The following RBFOX1 variants were observed in gnomAD, a reference collection of about 807,000 sequenced individuals.
RBFOX1 encodes the protein RNA binding fox-1 homolog 1, also known as RNA binding protein fox-1 homolog 1.
In RBFOX1, 8 loss-of-function variants were observed where a neutral mutation model predicts 57.7. The observed-to-expected ratio is 0.14, with a 90% CI of 0.08 to 0.25. RBFOX1 has a LOEUF of 0.25. Ranked by LOEUF, RBFOX1 falls within the 10% of genes least tolerant of loss-of-function variation. RBFOX1 has a pLI of 1.00. For missense variants in RBFOX1, 611 were observed against 548.5 expected, an observed-to-expected ratio of 1.11 and a Z score of -1.14; for synonymous variants, 326 against 222.4, an observed-to-expected ratio of 1.47 and a Z score of -4.15.
intron 5 of RBFOX1, among the ~76,000 whole-genome samples, chr16:7,552,903 A>T (rs2087019131): frequency 6.6e-6 from 1 of 151,958 alleles, no homozygotes; most frequent in African/African-American, 2.4e-5. Flanking sequence ...GGCTGGTCTC[A>T]AACTGCCGAC....
At chr16:7,695,011 T>G (rs1203776281) in intron 14 of RBFOX1, among the ~76,000 whole-genome samples, 7 of 152,194 alleles carry the variant, frequency 4.6e-5, no homozygotes, top group Non-Finnish European at 1.0e-4. Context: ...AAGCAAGTGA[T>G]CCACACACAA....
At chr16:7,695,423 G>C (rs1014586671) in intron 14 of RBFOX1, among the ~76,000 whole-genome samples, 5 of 152,038 alleles carry the variant, frequency 3.3e-5, no homozygotes, top group African/African-American at 9.7e-5. Context: ...GGAGGCCAAG[G>C]TGGGTGGATC....
intron 4 of RBFOX1, among the ~76,000 whole-genome samples, chr16:5,915,642 G>C (rs1172326480): frequency 6.6e-6 from 1 of 152,084 alleles, no homozygotes; most frequent in East Asian, 1.9e-4. Flanking sequence ...GACCAGCCTG[G>C]CCAATATGGT....
intron 1 of RBFOX1, among the ~76,000 whole-genome samples, chr16:5,328,501 C>A (rs1482820147): frequency 6.6e-6 from 1 of 152,236 alleles, no homozygotes; most frequent in African/African-American, 2.4e-5. Flanking sequence ...GATGGAATGC[C>A]TTCAAGAATA....
At chr16:7,511,747 G>A (rs1187521257) in intron 4 of RBFOX1, among the ~76,000 whole-genome samples, 1 of 152,084 alleles carries the variant, frequency 6.6e-6, no homozygotes, top group Non-Finnish European at 1.5e-5. Flanking sequence ...TCCTGCTGTC[G>A]TTGAGTTGCT....
chr16:7,492,025 C>G (rs955677096), intron 4 of RBFOX1, among the ~76,000 whole-genome samples: 9 of 152,120 alleles, frequency 5.9e-5, no homozygotes, highest in African/African-American at 1.7e-4. Flanking sequence ...GTTCACATTT[C>G]CAGCATCAGA....
intron 3 of RBFOX1, among the ~76,000 whole-genome samples, chr16:6,672,803 T>C (rs967995404): frequency 1.3e-5 from 2 of 152,168 alleles, no homozygotes; most frequent in African/African-American, 4.8e-5. Flanking sequence ...AGATCGTTTC[T>C]CTTCCCAAGT....
intron 3 of RBFOX1, among the ~76,000 whole-genome samples, chr16:6,844,745 C>G (rs924422655): frequency 3.9e-5 from 6 of 152,096 alleles, no homozygotes; most frequent in Non-Finnish European, 5.9e-5. Flanking sequence ...GCATCTAGGT[C>G]TTTGAGGAAT....
intron 3 of RBFOX1, among the ~76,000 whole-genome samples, chr16:6,655,428 A>G (rs2098642845): frequency 7.7e-6 from 1 of 129,480 alleles, no homozygotes; most frequent in Non-Finnish European, 1.5e-5. Context: ...TTTCCATCAC[A>G]ACACATCAAC....
At chr16:7,025,394 T>A (rs1168210077) in intron 3 of RBFOX1, among the ~76,000 whole-genome samples, 1 of 152,046 alleles carries the variant, frequency 6.6e-6, no homozygotes, top group African/African-American at 2.4e-5. Context: ...ATCAGCAAGG[T>A]CCTTATGACC....
intron 4 of RBFOX1, among the ~76,000 whole-genome samples, chr16:5,944,120 G>T (rs571248685): frequency 2.1e-4 from 32 of 152,178 alleles, no homozygotes; most frequent in Non-Finnish European, 4.6e-4. Flanking sequence ...GGACACAGTA[G>T]TGAACAAGCC....
At chr16:6,263,645 G>A (rs2097715308) in intron 1 of RBFOX1, among the ~76,000 whole-genome samples, 1 of 152,126 alleles carries the variant, frequency 6.6e-6, no homozygotes, top group South Asian at 2.1e-4. Context: ...TAGAGCTTCT[G>A]CTAGTGTCTG....
chr16:7,541,663 G>T (rs200693233), intron 5 of RBFOX1, among the ~76,000 whole-genome samples: 9,721 of 152,140 alleles, frequency 0.064, 489 homozygotes, highest in East Asian at 0.22. Context: ...AAAATGTTTC[G>T]GGAAAGCTCA....
chr16:7,693,965 G>T (rs955497069), intron 14 of RBFOX1, among the ~76,000 whole-genome samples: 1 of 152,154 alleles, frequency 6.6e-6, no homozygotes, highest in Non-Finnish European at 1.5e-5. Context: ...TTGAAACCAG[G>T]ACATTGGCAA....
chr16:6,940,960 G>C (rs1480994224), intron 3 of RBFOX1, among the ~76,000 whole-genome samples: 3 of 151,682 alleles, frequency 2.0e-5, no homozygotes, highest in Non-Finnish European at 4.4e-5. Context: ...ATCCGTCTTG[G>C]CCTCTCAAAG....
At chr16:5,394,445 C>G (rs2066494289) in intron 1 of RBFOX1, among the ~76,000 whole-genome samples, 1 of 152,128 alleles carries the variant, frequency 6.6e-6, no homozygotes, top group Non-Finnish European at 1.5e-5. Flanking sequence ...ATCCATTTCT[C>G]ATTATATCAT....
At chr16:6,772,743 G>C (rs1425232712) in intron 3 of RBFOX1, among the ~76,000 whole-genome samples, 1 of 150,762 alleles carries the variant, frequency 6.6e-6, no homozygotes, top group Non-Finnish European at 1.5e-5. Flanking sequence ...TGTGGGTTTG[G>C]AGTGCATTTG....
rs1163470865 is a variant in RBFOX1 at position 5,657,731 on chromosome 16, TC to T, written c.318+58771del. Among the ~76,000 whole-genome samples the T allele has an allele frequency of 1.0e-3, 74 of 70,596 alleles. 3 individuals carry two copies. Among genetic ancestry groups the T allele is most frequent in the Non-Finnish European group, 2.2e-3 (62 of 27,578 alleles). The allele number at this position is 70,596 out of a possible 152,430, so 46.3% of individuals were successfully genotyped here. A position where few individuals can be genotyped will look rare whatever the true frequency, so the allele number is the denominator to read the frequency against. ...CTTTCTCTCTTTCTTTTGTTTCTTT[TC>T]TTTTCTTTTTTTTTTTTTGAGACAG... On this transcript the variant is annotated intron_variant, in intron 3 of 19. Coordinates refer to the RBFOX1 transcript ENST00000641259.
chr16:7,251,632 C>G (rs1402246729), intron 4 of RBFOX1, among the ~76,000 whole-genome samples: 1 of 152,056 alleles, frequency 6.6e-6, no homozygotes, highest in Non-Finnish European at 1.5e-5. Flanking sequence ...GTTGGCTTGC[C>G]TGGTCTTGAA....
Sources: allele counts gnomAD v4.1 joint callset (sites outside exome capture counted in the v4.1 genomes callset), GRCh38; gene constraint gnomAD v4.1.1; transcripts MANE v1.5; gene names NCBI Gene and HGNC (gene_info 2026-07-23, HGNC 2026-07-21).